The following AK7 variants were observed in gnomAD, a reference collection of about 807,000 sequenced individuals.
AK7 encodes ATP-AMP transphosphorylase 7.
AK7 carries 78 observed loss-of-function variants against 96.6 expected under a neutral mutation model. That is an observed-to-expected ratio of 0.81 (90% confidence interval 0.67 to 0.97). The LOEUF (loss-of-function observed/expected upper bound fraction) is 0.97, where lower values mean the gene tolerates loss of function less well. Ranked by LOEUF, AK7 falls within the 50% of genes least tolerant of loss-of-function variation. AK7 has a pLI of 0.00. For missense variants in AK7, 855 were observed against 887.9 expected (o/e 0.96, Z 0.47); for synonymous variants, 302 against 317.2 (o/e 0.95, Z 0.51).
chr14:96,405,911 T>A (rs1331307450), intron 3 of AK7, among the ~76,000 whole-genome samples: 1 of 152,150 alleles, frequency 6.6e-6, no homozygotes, highest in Non-Finnish European at 1.5e-5. Context: ...AGCAACCTCT[T>A]TTTTTGTTTT....
chr14:96,440,363 T>C (rs535418024), intron 6 of AK7, among the ~76,000 whole-genome samples: 59 of 152,320 alleles, frequency 3.9e-4, no homozygotes, highest in African/African-American at 1.3e-3. Context: ...CAGCTACTTC[T>C]CACCTACCTG....
Position 96,404,885 on chromosome 14 carries a change from T to C in AK7, c.403+20T>C, listed in dbSNP as rs201472013. On this transcript the variant is annotated intron_variant, in intron 3 of 17. Coordinates refer to ENST00000267584, the MANE Select transcript of AK7 (RefSeq NM_152327.5). The stretch of plus-strand genomic sequence containing the variant: ...TCTCTGGTCAGTGAGGTGTACTCTT[T>C]TATCTCCAGGGATGCTATTGTAGTG... 6.4e-7 allele frequency: 1 copy of C among 1,553,472 alleles called. No homozygotes were observed. Among genetic ancestry groups the C allele is most frequent in the Non-Finnish European group, 8.9e-7 (1 of 1,128,556 alleles).
chr14:96,427,804 T>C (rs1338053993), intron 5 of AK7, among the ~76,000 whole-genome samples: 1 of 152,156 alleles, frequency 6.6e-6, no homozygotes, highest in Non-Finnish European at 1.5e-5. Flanking sequence ...TGTTTCATTG[T>C]TTTTCTTTTT....
intron 16 of AK7, among the ~76,000 whole-genome samples, chr14:96,484,937 G>T (rs1895691005): frequency 6.6e-6 from 1 of 152,192 alleles, no homozygotes; most frequent in Admixed American, 6.5e-5. Flanking sequence ...AAGGAAGAAA[G>T]GAGGGATGGA....
chr14:96,394,553 G>T (rs1386177628), intron 1 of AK7, among the ~76,000 whole-genome samples: 2 of 152,224 alleles, frequency 1.3e-5, no homozygotes, highest in Non-Finnish European at 2.9e-5. Flanking sequence ...TTATTACATA[G>T]ATTAGTGGAG....
At chr14:96,478,380 T>G (rs1595464298) in intron 14 of AK7, 85 bp from the exon 15 acceptor site, 2 of 1,397,868 alleles carry the variant, frequency 1.4e-6, no homozygotes, top group Non-Finnish European at 1.0e-6. Flanking sequence ...TCTTGGCTGG[T>G]AACCAGGGGG....
At chr14:96,422,659 C>T (rs771832454) in intron 5 of AK7, among the ~76,000 whole-genome samples, 42 of 152,262 alleles carry the variant, frequency 2.8e-4, no homozygotes, top group East Asian at 7.7e-4. Context: ...AAGCACATCA[C>T]GCGCTGTTGG....
chr14:96,446,403 T>C (rs1265304734), intron 7 of AK7, 114 bp from the exon 8 acceptor site: 4 of 808,164 alleles, frequency 4.9e-6, no homozygotes, highest in Non-Finnish European at 8.4e-6. Flanking sequence ...GGAGATAACT[T>C]ATCAAAGCAC....
intron 10 of AK7, among the ~76,000 whole-genome samples, chr14:96,453,360 C>A (rs1893715299): frequency 6.6e-6 from 1 of 152,144 alleles, no homozygotes; most frequent in Non-Finnish European, 1.5e-5. Flanking sequence ...CAAGACTGGA[C>A]AAGAATATGA....
chr14:96,479,552 A>G (rs1051495173), intron 15 of AK7, among the ~76,000 whole-genome samples: 5 of 151,994 alleles, frequency 3.3e-5, no homozygotes, highest in African/African-American at 1.2e-4. Context: ...GTAGCTACCC[A>G]GAAGAGCAAA....
At chr14:96,434,083 G>T (rs1451990418) in intron 5 of AK7, among the ~76,000 whole-genome samples, 1 of 152,150 alleles carries the variant, frequency 6.6e-6, no homozygotes, top group African/African-American at 2.4e-5. Flanking sequence ...ATTTGGTGAG[G>T]TCATGCTTTC....
chr14:96,414,186 C>T (rs1371261073), intron 4 of AK7, among the ~76,000 whole-genome samples: 1 of 152,230 alleles, frequency 6.6e-6, no homozygotes, highest in East Asian at 1.9e-4. Context: ...TGTTGGATGG[C>T]TCCAACGCCT....
intron 12 of AK7, among the ~76,000 whole-genome samples, chr14:96,469,307 G>T (rs555666390): frequency 6.6e-6 from 1 of 152,302 alleles, no homozygotes; most frequent in African/African-American, 2.4e-5. Flanking sequence ...GATCACCTGA[G>T]GTCAGGAGTT....
chr14:96,479,812 G>T (rs1046642266), intron 15 of AK7, among the ~76,000 whole-genome samples: 1 of 152,160 alleles, frequency 6.6e-6, no homozygotes, highest in Non-Finnish European at 1.5e-5. Flanking sequence ...CTTCTGCCTG[G>T]TGGAAGCTTC....
chr14:96,429,801 C>A (rs1329959852), intron 5 of AK7, among the ~76,000 whole-genome samples: 1 of 152,074 alleles, frequency 6.6e-6, no homozygotes, highest in East Asian at 1.9e-4. Flanking sequence ...GTGATTTTTG[C>A]ACATTGATTT....
At chr14:96,476,517 A>C (rs1042782074) in intron 14 of AK7, among the ~76,000 whole-genome samples, 2 of 152,064 alleles carry the variant, frequency 1.3e-5, no homozygotes, top group Non-Finnish European at 2.9e-5. Context: ...AAAAAAAAAA[A>C]AAAAAAACCA....
chr14:96,458,030 A>G lies in AK7; in HGVS notation c.1228-53A>G, dbSNP rs112402897. Reference sequence around the variant, plus strand: ...GGATCACCTGCCAGCTGATTTGTGAATAGCAAATGGATGTGGGGCATCATC... The same window carrying G: ...GGATCACCTGCCAGCTGATTTGTGAGTAGCAAATGGATGTGGGGCATCATC... On this transcript the variant is annotated intron_variant, in intron 11 of 17. Coordinates refer to ENST00000267584, the MANE Select transcript of AK7 (RefSeq NM_152327.5). 1.1e-3 allele frequency: 1,748 copies of G among 1,594,228 alleles called. 31 individuals carry two copies. The African/African-American group carries it at 0.019, about 17-fold the overall frequency.
At chr14:96,439,760 TA>T (rs1392490846) in intron 6 of AK7, among the ~76,000 whole-genome samples, 1 of 151,810 alleles carries the variant, frequency 6.6e-6, no homozygotes, top group African/African-American at 2.4e-5. Flanking sequence ...AATTGACCGC[TA>T]AATTTTTTGG....
In AK7 at chr14:96,392,262, G is replaced by GAGCGGC. The variant is rs755671772; in HGVS notation, c.105+4_105+9dup. ...ACAGCAGCGGAAACATCGGGAAGGT[G>GAGCGGC]AGCGGCGGCGGCGGCCCAGAGCCTC... On this transcript the variant is annotated splice_donor_region_variant and intron_variant, in intron 1 of 17. Transcript: ENST00000267584. 41 of 1,610,388 alleles carry GAGCGGC rather than the reference G, an allele frequency of 2.5e-5. 1 individual carries two copies. The East Asian group carries it at 8.5e-4, about 33-fold the overall frequency.
Sources: allele counts gnomAD v4.1 joint callset (sites outside exome capture counted in the v4.1 genomes callset), GRCh38; gene constraint gnomAD v4.1.1; transcripts MANE v1.5; gene names NCBI Gene and HGNC (gene_info 2026-07-23, HGNC 2026-07-21).